INPP4B: variants seen among roughly 807,000 people sequenced by gnomAD.
INPP4B encodes the protein inositol polyphosphate-4-phosphatase type II B.
Under a neutral mutation model 122.5 loss-of-function variants are expected in INPP4B, and 55 were observed. That is an observed-to-expected ratio of 0.45 (90% CI 0.36 to 0.56). The LOEUF (loss-of-function observed/expected upper bound fraction) is 0.56. Ranked by LOEUF, INPP4B falls within the 20% of genes least tolerant of loss-of-function variation. The pLI, the probability that INPP4B is intolerant of heterozygous loss-of-function variation, is 0.00. For missense variants in INPP4B, 1,000 were observed against 1,097.7 expected, an observed-to-expected ratio of 0.91 and a Z score of 1.26; for synonymous variants, 403 against 388.7, an observed-to-expected ratio of 1.04 and a Z score of -0.43.
chr4:142,124,494 T>C, intron 19 of INPP4B, 94 bp downstream of exon 19: 1 of 1,148,770 alleles, frequency 8.7e-7, no homozygotes, highest in Middle Eastern at 2.0e-4. Flanking sequence ...TTTTTAAAAA[T>C]AAAGCTGTCC....
At chr4:142,642,582 G>T (rs1580596875) in intron 2 of INPP4B, among the ~76,000 whole-genome samples, 1 of 152,160 alleles carries the variant, frequency 6.6e-6, no homozygotes, top group Non-Finnish European at 1.5e-5. Flanking sequence ...AGTTGTAGAT[G>T]TGTGGTATTA....
chr4:142,058,413 T>C (rs901455276), intron 25 of INPP4B, among the ~76,000 whole-genome samples: 2 of 152,172 alleles, frequency 1.3e-5, no homozygotes, highest in Non-Finnish European at 2.9e-5. Flanking sequence ...ACAATATTAC[T>C]GTGCCATTAT....
intron 11 of INPP4B, among the ~76,000 whole-genome samples, chr4:142,246,080 T>TTA (rs1189916700): frequency 8.6e-5 from 11 of 128,418 alleles, no homozygotes; most frequent in Admixed American, 2.1e-4. Flanking sequence ...TATACACACA[T>TTA]TATATATATG....
At chr4:142,587,432 T>G (rs1240302178) in intron 2 of INPP4B, among the ~76,000 whole-genome samples, 1 of 152,072 alleles carries the variant, frequency 6.6e-6, no homozygotes, top group African/African-American at 2.4e-5. Context: ...TTTAAAAAAT[T>G]GAATCAATAA....
chr4:142,299,798 C>T (rs1322403067), intron 9 of INPP4B, among the ~76,000 whole-genome samples: 1 of 151,696 alleles, frequency 6.6e-6, no homozygotes, highest in African/African-American at 2.4e-5. Flanking sequence ...GGTACCTCCC[C>T]CTACCACCCC....
chr4:142,579,886 GATAGATAGATAGATAGATAGATAGA>G (rs1734685326), intron 2 of INPP4B, among the ~76,000 whole-genome samples: 1 of 131,916 alleles, frequency 7.6e-6, no homozygotes, highest in South Asian at 2.5e-4. Context: ...TAGGTAGATA[GATAGATAGATAGATAGATAGATAGA>G]TAGATAGATA....
At chr4:142,374,434 GAGA>G (rs948699376) in intron 7 of INPP4B, among the ~76,000 whole-genome samples, 8 of 152,022 alleles carry the variant, frequency 5.3e-5, no homozygotes, top group Non-Finnish European at 1.0e-4. Flanking sequence ...ATGTAGAATA[GAGA>G]AGATTTTTTA....
rs552161520 is a variant in INPP4B, at chr4:142,752,030, A to G, written c.-253-26129T>C. On this transcript the variant is annotated intron_variant, in intron 1 of 25. Transcript: ENST00000262992. ...TCTGTGGAACATATAATTCTATTTTATTTTTATCTAGGGGCCTGCCTTGTA... is the reference window on the plus strand; with the variant it reads ...TCTGTGGAACATATAATTCTATTTTGTTTTTATCTAGGGGCCTGCCTTGTA... 1.3e-5 allele frequency among the ~76,000 whole-genome samples: 2 copies of G among 152,112 alleles called. 1 individual carries two copies. The highest frequency in any genetic ancestry group is 4.1e-4 in the South Asian group (2 of 4,820).
intron 2 of INPP4B, among the ~76,000 whole-genome samples, chr4:142,680,499 TAA>T (rs1290701755): frequency 6.6e-6 from 1 of 151,748 alleles, no homozygotes; most frequent in Non-Finnish European, 1.5e-5. Flanking sequence ...TATTTATCTA[TAA>T]AAAACCATGA....
chr4:142,515,313 T>C (rs574637606), intron 2 of INPP4B, among the ~76,000 whole-genome samples: 1 of 152,288 alleles, frequency 6.6e-6, no homozygotes, highest in East Asian at 1.9e-4. Context: ...ACCCACTAAC[T>C]CTTGGTCACA....
intron 7 of INPP4B, among the ~76,000 whole-genome samples, chr4:142,387,310 G>A (rs1796266749): frequency 6.6e-6 from 1 of 151,982 alleles, no homozygotes; most frequent in African/African-American, 2.4e-5. Flanking sequence ...CTGAGAAAAA[G>A]CTAATATTTT....
At chr4:142,687,376 C>G (rs1258911965) in intron 2 of INPP4B, among the ~76,000 whole-genome samples, 1 of 151,904 alleles carries the variant, frequency 6.6e-6, no homozygotes, top group Non-Finnish European at 1.5e-5. Flanking sequence ...GCAAAAATAA[C>G]CATAGGTAAC....
intron 1 of INPP4B, among the ~76,000 whole-genome samples, chr4:142,759,070 T>C (rs1399655496): frequency 6.6e-6 from 1 of 152,142 alleles, no homozygotes; most frequent in Non-Finnish European, 1.5e-5. Context: ...TACTAATTCT[T>C]ACAGAAACCT....
intron 1 of INPP4B, among the ~76,000 whole-genome samples, chr4:142,831,045 T>TGCAAGAGTG (rs146838765): frequency 0.021 from 3,145 of 151,280 alleles, 103 homozygotes; most frequent in African/African-American, 0.072. Flanking sequence ...AAAAAATAGA[T>TGCAAGAGTG]GCAAGAGTGT....
rs186755903 is a variant in INPP4B at position 142,509,516 on chromosome 4, C to T, written c.-190-46790G>A. Among the ~76,000 whole-genome samples, 657 of 152,176 alleles carry T rather than the reference C, an allele frequency of 4.3e-3. 3 individuals carry two copies. The highest frequency in any genetic ancestry group is 0.015 in the African/African-American group (640 of 41,516). On this transcript the variant is annotated intron_variant, in intron 2 of 25. Coordinates refer to ENST00000262992, the MANE Select transcript of INPP4B (RefSeq NM_001101669.3). ...TCCTGTGTTAGTTTGCTGAGAATGA[C>T]GGTTTCCAGCTTCATCCATGTCCCT...
chr4:142,040,980 G>A (rs1318983811), intron 25 of INPP4B, among the ~76,000 whole-genome samples: 1 of 152,116 alleles, frequency 6.6e-6, no homozygotes, highest in Non-Finnish European at 1.5e-5. Context: ...AATTCATCAC[G>A]ACACCTGGCT....
chr4:142,226,990 C>T (rs1851871237), intron 12 of INPP4B, among the ~76,000 whole-genome samples: 1 of 152,090 alleles, frequency 6.6e-6, no homozygotes, highest in Non-Finnish European at 1.5e-5. Flanking sequence ...TTGGAGCTAA[C>T]TGCAAGACAA....
intron 2 of INPP4B, among the ~76,000 whole-genome samples, chr4:142,581,228 T>C (rs1453530737): frequency 6.6e-6 from 1 of 152,018 alleles, no homozygotes; most frequent in Non-Finnish European, 1.5e-5. Context: ...AATAAGTACA[T>C]ATTTTATATT....
chr4:142,717,949 T>C (rs1028880625), intron 2 of INPP4B, among the ~76,000 whole-genome samples: 1 of 149,866 alleles, frequency 6.7e-6, no homozygotes, highest in Non-Finnish European at 1.5e-5. Context: ...TACACTCTTC[T>C]GTCTCTGAAA....
Sources: gnomAD v4.1 joint callset for allele counts (sites outside exome capture counted in the v4.1 genomes callset) on GRCh38, gnomAD v4.1.1 for gene constraint, MANE v1.5 for transcripts, NCBI Gene and HGNC (gene_info 2026-07-23, HGNC 2026-07-21) for gene names.